CNTN1: variants seen among roughly 807,000 people sequenced by gnomAD.
CNTN1 encodes the protein contactin 1.
Under a neutral mutation model 126.4 loss-of-function variants are expected in CNTN1, and 38 were observed. The observed-to-expected ratio is 0.30, with a 90% CI of 0.23 to 0.39. CNTN1 has a LOEUF of 0.39. Ranked by LOEUF, CNTN1 falls within the 10% of genes least tolerant of loss-of-function variation. CNTN1 has a pLI of 1.00. For missense variants in CNTN1, 1,009 were observed against 1,248.4 expected, an observed-to-expected ratio of 0.81 and a Z score of 2.89; for synonymous variants, 413 against 422.6, an observed-to-expected ratio of 0.98 and a Z score of 0.28.
chr12:40,816,631 G>T (rs530070886), intron 1 of CNTN1, among the ~76,000 whole-genome samples: 5 of 151,260 alleles, frequency 3.3e-5, no homozygotes, highest in African/African-American at 1.2e-4. Context: ...GGTTTTTCGT[G>T]TCTCTGTTTC....
chr12:41,037,663 T>TACACAC (rs55890336), intron 23 of CNTN1, among the ~76,000 whole-genome samples: 4,069 of 144,428 alleles, frequency 0.028, 50 homozygotes, highest in African/African-American at 0.042. Flanking sequence ...GTGTGTTTAA[T>TACACAC]ACACACACAC....
In CNTN1 at chr12:40,959,180, A is replaced by G. The variant is rs1388170862; in HGVS notation, c.1750A>G (p.Thr584Ala). ...QLKHAGRYTC[T>A]AQTIVDNSSA... ...GAAACATGCTGGAAGATACACATGC[A>G]CTGCCCAGACAATTGTGGACAATTC... Residue 584 changes from threonine (T) to alanine (A), a missense_variant, in exon 15 of 24, where the codon ACT (threonine) becomes GCT (alanine). Transcript: ENST00000551295. 3 of 1,612,744 alleles carry G rather than the reference A, an allele frequency of 1.9e-6. No homozygotes were observed. The highest frequency in any genetic ancestry group is 2.2e-5 in the East Asian group (1 of 44,834).
chr12:40,903,130 A>G (rs1236442322), intron 1 of CNTN1, among the ~76,000 whole-genome samples: 1 of 152,212 alleles, frequency 6.6e-6, no homozygotes, highest in African/African-American at 2.4e-5. Flanking sequence ...TCAGGGATCC[A>G]TCAGTCATGG....
chr12:40,760,449 A>G (rs1938813182), intron 1 of CNTN1, among the ~76,000 whole-genome samples: 2 of 151,574 alleles, frequency 1.3e-5, no homozygotes, highest in South Asian at 4.2e-4. Flanking sequence ...CAACATTATT[A>G]TTATTGACAG....
At chr12:40,844,982 T>C (rs1942446387) in intron 1 of CNTN1, among the ~76,000 whole-genome samples, 2 of 152,232 alleles carry the variant, frequency 1.3e-5, no homozygotes, top group African/African-American at 4.8e-5. Context: ...AAAGCACTCT[T>C]CTGTTATTCC....
intron 1 of CNTN1, among the ~76,000 whole-genome samples, chr12:40,772,449 G>A (rs1939378641): frequency 6.6e-6 from 1 of 151,676 alleles, no homozygotes; most frequent in Non-Finnish European, 1.5e-5. Flanking sequence ...AATCTAATCT[G>A]GTATTAAAAC....
chr12:40,853,321 C>T (rs1320448318), intron 1 of CNTN1, among the ~76,000 whole-genome samples: 1 of 152,050 alleles, frequency 6.6e-6, no homozygotes, highest in Non-Finnish European at 1.5e-5. Flanking sequence ...AAAACCTCAG[C>T]ATAAAGAATT....
intron 7 of CNTN1, among the ~76,000 whole-genome samples, chr12:40,932,727 G>A (rs539295122): frequency 2.2e-4 from 34 of 151,770 alleles, no homozygotes; most frequent in South Asian, 1.2e-3. Flanking sequence ...TCTAACTACC[G>A]TCCTCATCAG....
At chr12:40,844,341 C>T (rs1942420363) in intron 1 of CNTN1, among the ~76,000 whole-genome samples, 1 of 152,066 alleles carries the variant, frequency 6.6e-6, no homozygotes, top group South Asian at 2.1e-4. Flanking sequence ...GCTGGGATTA[C>T]AGGCATGAGC....
At chr12:40,949,637 G>A (rs1232593130) in intron 14 of CNTN1, among the ~76,000 whole-genome samples, 2 of 119,076 alleles carry the variant, frequency 1.7e-5, no homozygotes, top group African/African-American at 6.5e-5. Context: ...GGAGTGCAAT[G>A]ACGCAATCTC....
At chr12:40,750,587 G>A (rs992610264) in intron 1 of CNTN1, among the ~76,000 whole-genome samples, 8 of 152,024 alleles carry the variant, frequency 5.3e-5, no homozygotes, top group Non-Finnish European at 1.2e-4. Context: ...AGGATCGCTT[G>A]AACCCAGGAG....
intron 1 of CNTN1, among the ~76,000 whole-genome samples, chr12:40,701,118 C>T (rs1460975464): frequency 6.6e-6 from 1 of 152,156 alleles, no homozygotes; most frequent in Admixed American, 6.5e-5. Context: ...GTTTAAAATG[C>T]TGCTATTCTA....
chr12:41,008,862 G>A (rs1367112973), intron 17 of CNTN1, among the ~76,000 whole-genome samples: 1 of 152,062 alleles, frequency 6.6e-6, no homozygotes, highest in Non-Finnish European at 1.5e-5. Flanking sequence ...TGCACCAAAC[G>A]GTAGCATGAG....
chr12:40,929,743 G>A, intron 6 of CNTN1, 53 bp from the exon 7 acceptor site: 2 of 1,349,236 alleles, frequency 1.5e-6, no homozygotes, highest in Non-Finnish European at 1.1e-6. Context: ...ATTAAATTAT[G>A]TAACAACTTT....
rs756830197 is a variant in CNTN1 at position 40,933,812 on chromosome 12, A to C, written c.919A>C (p.Ile307Leu). The change falls in exon 9 of 24, where the codon ATC becomes CTC. Residue 307 changes from isoleucine to leucine, a missense_variant. Physicochemically the swap from Ile to Leu is conservative, Grantham distance 5 (BLOSUM62 2). Transcript: ENST00000551295. The stretch of plus-strand genomic sequence containing the variant: ...CAATATTCAGCTAGAAGATGAAGGC[A>C]TCTATGAATGTGAGGCTGAGAACAT... Reference protein sequence around the residue: ...IFNIQLEDEGIYECEAENIRG... With the variant: ...IFNIQLEDEGLYECEAENIRG... 1 of 1,612,726 alleles carries C rather than the reference A, an allele frequency of 6.2e-7. No individual in the cohort carries two copies. Among genetic ancestry groups the C allele is most frequent in the Admixed American group, 1.7e-5 (1 of 59,826 alleles).
chr12:40,707,485 C>G (rs1941799592), intron 1 of CNTN1, among the ~76,000 whole-genome samples: 1 of 152,042 alleles, frequency 6.6e-6, no homozygotes, highest in Non-Finnish European at 1.5e-5. Context: ...ATCTCCTGAC[C>G]TCATGATCTG....
chr12:41,003,579 CT>C (rs34754093), intron 17 of CNTN1, among the ~76,000 whole-genome samples: 45,482 of 141,536 alleles, frequency 0.32, 7,803 homozygotes, highest in African/African-American at 0.51. Flanking sequence ...TGGTCCTGGG[CT>C]TTTTTTTTTT....
chr12:40,871,595 G>A (rs543053362), intron 1 of CNTN1, among the ~76,000 whole-genome samples: 3 of 152,262 alleles, frequency 2.0e-5, no homozygotes, highest in African/African-American at 7.2e-5. Context: ...TCAACTGAGC[G>A]AATGTTAGTT....
intron 1 of CNTN1, among the ~76,000 whole-genome samples, chr12:40,829,892 A>G (rs149717042): frequency 6.6e-6 from 1 of 152,288 alleles, no homozygotes; most frequent in East Asian, 1.9e-4. Context: ...GGGGGGCAGA[A>G]ACTTAAAGAT....
Sources: gnomAD v4.1 joint callset for allele counts (sites outside exome capture counted in the v4.1 genomes callset) on GRCh38, gnomAD v4.1.1 for gene constraint, MANE v1.5 for transcripts, NCBI Gene and HGNC (gene_info 2026-07-23, HGNC 2026-07-21) for gene names.